CYP20A1: variants seen among roughly 807,000 people sequenced by gnomAD.
CYP20A1 encodes cytochrome P450 20A1.
Under a neutral mutation model 61.4 loss-of-function variants are expected in CYP20A1, and 61 were observed. That is an observed-to-expected ratio of 0.99 (90% CI 0.81 to 1.23). The LOEUF (loss-of-function observed/expected upper bound fraction) is 1.23, where lower values mean the gene tolerates loss of function less well. Among genes scored for constraint, CYP20A1 ranks in the 50% most tolerant of loss-of-function variants. The pLI, the probability that CYP20A1 is intolerant of heterozygous loss-of-function variation, is 0.00. For missense variants in CYP20A1, 530 were observed against 542.4 expected, an observed-to-expected ratio of 0.98 and a Z score of 0.23; for synonymous variants, 193 against 188.2, an observed-to-expected ratio of 1.03 and a Z score of -0.21.
Position 203,301,914 on chromosome 2 carries a change from C to CTATTTT in CYP20A1, c.*5007_*5008insATTTTT, listed in dbSNP as rs2069037913. Among the ~76,000 whole-genome samples the CTATTTT allele has an allele frequency of 9.7e-6, 1 of 103,550 alleles. No homozygotes were observed. The highest frequency in any genetic ancestry group is 3.7e-5 in the African/African-American group (1 of 26,716). 67.9% of individuals were successfully genotyped at this position (103,550 alleles called of 152,430 possible). A position where few individuals can be genotyped will look rare whatever the true frequency, so the allele number is the denominator to read the frequency against. ...TTTGAAGTTAACCACTGTTAAGATTCTTTTTTTTTTTTTTTTTTTTTTGTT... is the reference window on the plus strand; with the variant it reads ...TTTGAAGTTAACCACTGTTAAGATTCTATTTTTTTTTTTTTTTTTTTTTTTTTTGTT... On this transcript the variant is annotated 3_prime_UTR_variant, in exon 13 of 13. Coordinates refer to ENST00000356079, the MANE Select transcript of CYP20A1 (RefSeq NM_177538.3).
In CYP20A1 at chr2:203,302,084, C is replaced by T. The variant is rs955912939; in HGVS notation, c.*5176C>T. ...GGGATTGCAAACATGTGCCACCACA[C>T]CTGGCTAATTTTTGTGTTTTTAGTA... On this transcript the variant is annotated 3_prime_UTR_variant, in exon 13 of 13. Coordinates refer to ENST00000356079, the MANE Select transcript of CYP20A1 (RefSeq NM_177538.3). 6.6e-6 allele frequency among the ~76,000 whole-genome samples: 1 copy of T among 152,090 alleles called. No homozygotes were observed. The highest frequency in any genetic ancestry group is 1.5e-5 in the Non-Finnish European group (1 of 68,024).
rs377717199 is a variant in CYP20A1 at position 203,246,968 on chromosome 2, A to G, written c.289+47A>G. ...ATTACCTGATCCTTACCTTTTAAGAATGAATGTTTAGGCTGGGCACGGTGG... is the reference window on the plus strand; with the variant it reads ...ATTACCTGATCCTTACCTTTTAAGAGTGAATGTTTAGGCTGGGCACGGTGG... On this transcript the variant is annotated intron_variant, in intron 3 of 12. Transcript: ENST00000356079. The G allele has an allele frequency of 8.2e-6, 13 of 1,587,648 alleles. No individual in the cohort carries two copies. The African/African-American group carries it at 1.8e-4, about 22-fold the overall frequency.
intron 11 of CYP20A1, among the ~76,000 whole-genome samples, chr2:203,294,104 C>G (rs1012739126): frequency 3.9e-5 from 6 of 152,084 alleles, no homozygotes; most frequent in African/African-American, 1.4e-4. Context: ...CCTACCTCAC[C>G]CTCCAGAGTA....
chr2:203,253,629 C>T (rs2066783525), intron 4 of CYP20A1, among the ~76,000 whole-genome samples: 4 of 152,208 alleles, frequency 2.6e-5, no homozygotes, highest in Admixed American at 2.6e-4. Flanking sequence ...CATACAGTGA[C>T]AGGTCACATA....
At chr2:203,261,595 C>T (rs1343227993) in intron 4 of CYP20A1, among the ~76,000 whole-genome samples, 1 of 60,546 alleles carries the variant, frequency 1.7e-5, no homozygotes, top group African/African-American at 5.8e-5. Flanking sequence ...TCCTGGGCTC[C>T]TTTGTCACCT....
chr2:203,269,524 C>T (rs1401319143), intron 5 of CYP20A1, among the ~76,000 whole-genome samples: 7 of 139,088 alleles, frequency 5.0e-5, no homozygotes, highest in East Asian at 2.1e-4. Flanking sequence ...GACGGAGTTT[C>T]GCTCTTATCG....
intron 5 of CYP20A1, among the ~76,000 whole-genome samples, chr2:203,268,038 C>T (rs959758930): frequency 4.3e-4 from 66 of 152,206 alleles, no homozygotes; most frequent in African/African-American, 1.5e-3. Context: ...ATATCCTTCA[C>T]CCAGGTTCAG....
At chr2:203,244,059 G>A (rs961820021) in intron 1 of CYP20A1, among the ~76,000 whole-genome samples, 3 of 151,900 alleles carry the variant, frequency 2.0e-5, no homozygotes, top group Admixed American at 2.0e-4. Flanking sequence ...GCCTAAATTT[G>A]TGCCCTTATA....
At chr2:203,276,356 A>T (rs1274556326) in intron 6 of CYP20A1, among the ~76,000 whole-genome samples, 6 of 152,158 alleles carry the variant, frequency 3.9e-5, no homozygotes, top group Non-Finnish European at 8.8e-5. Flanking sequence ...CAGAGTTACC[A>T]TCTGAGTTAT....
chr2:203,257,160 A>T (rs1485474519), intron 4 of CYP20A1, among the ~76,000 whole-genome samples: 1 of 151,708 alleles, frequency 6.6e-6, no homozygotes, highest in Admixed American at 6.6e-5. Flanking sequence ...AAAAAAAAAA[A>T]GAGAAAAATT....
chr2:203,246,652 C>A, intron 2 of CYP20A1, 103 bp from the exon 3 acceptor site: 2 of 1,131,968 alleles, frequency 1.8e-6, no homozygotes, highest in South Asian at 1.6e-5. Flanking sequence ...TTTCATGAAC[C>A]TTTGTTCTCA....
intron 9 of CYP20A1, among the ~76,000 whole-genome samples, chr2:203,288,201 A>G (rs1485084922): frequency 6.6e-6 from 1 of 150,414 alleles, no homozygotes; most frequent in Non-Finnish European, 1.5e-5. Flanking sequence ...AAGTAGTTGG[A>G]ATTACAGGCA....
At chr2:203,277,602 G>A (rs1227630103) in intron 6 of CYP20A1, among the ~76,000 whole-genome samples, 7 of 151,872 alleles carry the variant, frequency 4.6e-5, no homozygotes, top group Non-Finnish European at 7.4e-5. Flanking sequence ...TGCAACCTCT[G>A]CTGCCCAGGT....
In CYP20A1 at chr2:203,300,019, TA is replaced by T. The variant is rs2068958519; in HGVS notation, c.*3112del. Among the ~76,000 whole-genome samples, 1 of 152,148 alleles carries T rather than the reference TA, an allele frequency of 6.6e-6. No homozygotes were observed. Among genetic ancestry groups the T allele is most frequent in the Non-Finnish European group, 1.5e-5 (1 of 68,036 alleles). Reference sequence around the variant, plus strand: ...GGAAACTGGCGGTAGAAGGTTAGAGTAGCCAATTGATATGTAAACCAAGTGT... The same window carrying T: ...GGAAACTGGCGGTAGAAGGTTAGAGTGCCAATTGATATGTAAACCAAGTGT... On this transcript the variant is annotated 3_prime_UTR_variant, in exon 13 of 13. Coordinates refer to ENST00000356079, the MANE Select transcript of CYP20A1 (RefSeq NM_177538.3).
chr2:203,239,309 C>A (rs1052877541), intron 1 of CYP20A1, among the ~76,000 whole-genome samples, 175 bp downstream of exon 1: 1 of 152,078 alleles, frequency 6.6e-6, no homozygotes, highest in Non-Finnish European at 1.5e-5. Flanking sequence ...ACGCCCCTCC[C>A]GGCAAGCTCT....
chr2:203,296,957 A>G lies in CYP20A1; in HGVS notation c.*49A>G. 8.9e-7 allele frequency: 1 copy of G among 1,120,164 alleles called. No homozygotes were observed. Among genetic ancestry groups the G allele is most frequent in the South Asian group, 1.6e-5 (1 of 61,750 alleles). The allele number at this position is 1,120,164 out of a possible 1,614,324, so 69.4% of individuals were successfully genotyped here. Reference sequence around the variant, plus strand: ...GTTAAATTGATTGAGGAAAACAACCATTTAAAAAAAATCTATGTTGAATCC... The same window carrying G: ...GTTAAATTGATTGAGGAAAACAACCGTTTAAAAAAAATCTATGTTGAATCC... On this transcript the variant is annotated 3_prime_UTR_variant, in exon 13 of 13. Coordinates refer to ENST00000356079, the MANE Select transcript of CYP20A1 (RefSeq NM_177538.3).
At chr2:203,246,704 C>T in intron 2 of CYP20A1, 51 bp from the exon 3 acceptor site, 2 of 1,569,360 alleles carry the variant, frequency 1.3e-6, no homozygotes, top group Admixed American at 1.8e-5. Flanking sequence ...TTGTTTTTCT[C>T]ATTTTTCCAA....
chr2:203,268,070 A>T (rs189659693), intron 5 of CYP20A1, among the ~76,000 whole-genome samples: 11 of 152,258 alleles, frequency 7.2e-5, no homozygotes, highest in Admixed American at 7.2e-4. Context: ...ATCTTGCTCC[A>T]CATGCTTTTG....
chr2:203,246,503 T>C (rs1266705748), intron 2 of CYP20A1, among the ~76,000 whole-genome samples: 2 of 152,250 alleles, frequency 1.3e-5, no homozygotes, highest in African/African-American at 4.8e-5. Context: ...CTAAGTCGGA[T>C]GTTCCTATGG....
Sources: gnomAD v4.1 joint callset for allele counts (sites outside exome capture counted in the v4.1 genomes callset) on GRCh38, gnomAD v4.1.1 for gene constraint, MANE v1.5 for transcripts, NCBI Gene and HGNC (gene_info 2026-07-23, HGNC 2026-07-21) for gene names.